TASP1: variants seen among roughly 807,000 people sequenced by gnomAD.
TASP1 encodes the protein taspase 1.
In TASP1, 16 loss-of-function variants were observed where a neutral mutation model predicts 56.6. The ratio of observed to expected loss-of-function variants is 0.28; its 90% CI spans 0.19 to 0.43. The LOEUF is 0.43. TASP1 is among the 20% of genes least tolerant of loss of function. The pLI is 1.00. For synonymous variants in TASP1, 179 were observed against 184.2 expected, an observed-to-expected ratio of 0.97 and a Z score of 0.23; for missense variants, 393 against 511.6, an observed-to-expected ratio of 0.77 and a Z score of 2.24.
chr20:13,519,682 A>G (rs957105248), intron 10 of TASP1, among the ~76,000 whole-genome samples: 3 of 152,166 alleles, frequency 2.0e-5, no homozygotes, highest in Admixed American at 1.3e-4. Flanking sequence ...ATGGGCAAAA[A>G]CTGGAAGCAT....
intron 9 of TASP1, among the ~76,000 whole-genome samples, chr20:13,531,341 C>T (rs1281576781): frequency 1.3e-5 from 2 of 151,688 alleles, no homozygotes; most frequent in South Asian, 2.1e-4. Flanking sequence ...GTAAACTCAA[C>T]CGCCTATTTG....
the TASP1 span, among the ~76,000 whole-genome samples, chr20:13,287,417 A>G: frequency 6.6e-6 from 1 of 152,196 alleles, no homozygotes; most frequent in African/African-American, 2.4e-5. Flanking sequence ...CTCTTGACAC[A>G]TAGGAATTAT....
the TASP1 span, chr20:13,169,120 G>A: frequency 6.6e-6 from 1 of 152,088 alleles, no homozygotes; most frequent in East Asian, 1.9e-4. Flanking sequence ...GTTTTCTGTT[G>A]ATTTAGTTTA....
the TASP1 span, among the ~76,000 whole-genome samples, chr20:13,125,206 C>T: frequency 0.15 from 22,459 of 152,158 alleles, 1,797 homozygotes; most frequent in East Asian, 0.2. Context: ...CTTCTTAGGG[C>T]TTTCAGCAAG....
chr20:13,192,368 G>A, the TASP1 span, among the ~76,000 whole-genome samples: 1 of 152,126 alleles, frequency 6.6e-6, no homozygotes, highest in East Asian at 1.9e-4. Flanking sequence ...AAGACCCCAT[G>A]TCAAAAGTGT....
chr20:13,364,743 T>C, the TASP1 span, among the ~76,000 whole-genome samples: 1 of 152,066 alleles, frequency 6.6e-6, no homozygotes, highest in South Asian at 2.1e-4. Context: ...CCTGGGGTAG[T>C]TTGCTGTTCG....
At chr20:13,514,384 C>CGACTAACAGGAAATGCAAT (rs1435244128) in intron 10 of TASP1, among the ~76,000 whole-genome samples, 1 of 152,082 alleles carries the variant, frequency 6.6e-6, no homozygotes, top group Non-Finnish European at 1.5e-5. Flanking sequence ...AACAGAGTCC[C>CGACTAACAGGAAATGCAAT]GACTAACAGG....
Position 13,509,124 on chromosome 20 carries a change from A to AGTGTGTGTGTGTGTGT in TASP1, c.874+19293_874+19308dup, listed in dbSNP as rs71334125. Among the ~76,000 whole-genome samples, 66 of 142,878 alleles carry AGTGTGTGTGTGTGTGT rather than the reference A, an allele frequency of 4.6e-4. 1 individual carries two copies. Among genetic ancestry groups the AGTGTGTGTGTGTGTGT allele is most frequent in the East Asian group, 1.2e-3 (6 of 4,864 alleles). The allele number at this position is 142,878 out of a possible 152,430, so 93.7% of individuals were successfully genotyped here. A position where few individuals can be genotyped will look rare whatever the true frequency, so the allele number is the denominator to read the frequency against. Reference sequence around the variant, plus strand: ...AATGAATGAATGAATGAATGAAGAAAGTGTGTGTGTGTGTGTGTGTGTGTG... The same window carrying AGTGTGTGTGTGTGTGT: ...AATGAATGAATGAATGAATGAAGAAAGTGTGTGTGTGTGTGTGTGTGTGTGTGTGTGTGTGTGTGTG... On this transcript the variant is annotated intron_variant, in intron 10 of 13. Transcript: ENST00000337743.
At chr20:13,581,576 GGTTCA>G (rs1389939685) in intron 5 of TASP1, among the ~76,000 whole-genome samples, 7 of 152,302 alleles carry the variant, frequency 4.6e-5, no homozygotes, top group South Asian at 2.1e-4. Context: ...CCTAAAATGT[GGTTCA>G]GATTCTTTCC....
intron 8 of TASP1, among the ~76,000 whole-genome samples, chr20:13,554,480 G>C (rs1275327867): frequency 2.6e-5 from 4 of 151,786 alleles, no homozygotes; most frequent in Non-Finnish European, 5.9e-5. Flanking sequence ...ATTTCTACTT[G>C]TACTGTGATA....
At chr20:13,221,715 C>G in the TASP1 span, 4 of 1,318,790 alleles carry the variant, frequency 3.0e-6, no homozygotes, top group Non-Finnish European at 3.9e-6. Context: ...CCTCCTCCCC[C>G]GGCGTCACCG....
intron 11 of TASP1, among the ~76,000 whole-genome samples, chr20:13,473,049 T>G (rs189049631): frequency 0.055 from 8,326 of 151,078 alleles, 327 homozygotes; most frequent in African/African-American, 0.11. Flanking sequence ...TACGTTTATT[T>G]CAGAACTATT....
At chr20:13,312,419 C>G in the TASP1 span, among the ~76,000 whole-genome samples, 1 of 152,184 alleles carries the variant, frequency 6.6e-6, no homozygotes. Flanking sequence ...TTGCTGGTTC[C>G]TCCAAGAGAT....
chr20:13,165,826 C>G, the TASP1 span: 90 of 152,252 alleles, frequency 5.9e-4, no homozygotes, highest in African/African-American at 1.9e-3. Flanking sequence ...CATTTAAAAG[C>G]AAATTCTGAC....
the TASP1 span, among the ~76,000 whole-genome samples, chr20:13,301,117 C>A: frequency 6.6e-6 from 1 of 152,156 alleles, no homozygotes; most frequent in Non-Finnish European, 1.5e-5. Flanking sequence ...TTCCCGGTAC[C>A]TTTGGCATTC....
the TASP1 span, among the ~76,000 whole-genome samples, chr20:13,366,557 T>C: frequency 6.6e-6 from 1 of 152,170 alleles, no homozygotes; most frequent in Non-Finnish European, 1.5e-5. Flanking sequence ...TGAAAAGATA[T>C]TTATTGTGAT....
the TASP1 span, among the ~76,000 whole-genome samples, chr20:13,232,804 A>G: frequency 6.6e-6 from 1 of 152,244 alleles, no homozygotes; most frequent in Non-Finnish European, 1.5e-5. Flanking sequence ...TCCCAGGATG[A>G]TATTTTTCTT....
intron 4 of TASP1, chr20:13,614,794 CT>C (rs779527543): frequency 1.1e-5 from 5 of 468,794 alleles, no homozygotes; most frequent in African/African-American, 2.0e-5. Flanking sequence ...TAGTTTTAAA[CT>C]TTGTTTTAGT....
In TASP1 at chr20:13,561,877, A is replaced by C. The variant is rs568553241; in HGVS notation, c.569-2763T>G. 6.8e-4 allele frequency among the ~76,000 whole-genome samples: 89 copies of C among 130,656 alleles called. 1 individual carries two copies. The South Asian group carries it at 0.019, about 28-fold the overall frequency. The allele number at this position is 130,656 out of a possible 152,430, so 85.7% of individuals were successfully genotyped here. ...GTTAAATGTAATCCCCATTGTAACC[A>C]CAAAAAAAAATAGCAAGACAATATA... is the stretch of plus-strand genomic sequence containing the variant. On this transcript the variant is annotated intron_variant, in intron 7 of 13. Transcript: ENST00000337743.
Sources: gnomAD v4.1 joint callset for allele counts (sites outside exome capture counted in the v4.1 genomes callset) on GRCh38, gnomAD v4.1.1 for gene constraint, MANE v1.5 for transcripts, NCBI Gene and HGNC (gene_info 2026-07-23, HGNC 2026-07-21) for gene names.